RCAN2: variants seen among roughly 807,000 people sequenced by gnomAD.
RCAN2 encodes regulator of calcineurin 2.
Under a neutral mutation model 23.6 loss-of-function variants are expected in RCAN2, and 9 were observed. That is an observed-to-expected ratio of 0.38 (90% CI 0.23 to 0.67). RCAN2 has a LOEUF of 0.67. RCAN2 is among the 30% of genes least tolerant of loss of function. The probability of loss-of-function intolerance (pLI) is 0.51; values close to 1 mark genes in which losing one functional copy is unlikely to be tolerated. For missense variants in RCAN2, 273 were observed against 302.3 expected (o/e 0.90, Z 0.72); for synonymous variants, 109 against 115.7 (o/e 0.94, Z 0.37).
chr6:46,439,367 A>G (rs1196364044), intron 2 of RCAN2, among the ~76,000 whole-genome samples: 2 of 152,238 alleles, frequency 1.3e-5, no homozygotes, highest in African/African-American at 4.8e-5. Context: ...TCCAAAAGGA[A>G]GTCATTCCTA....
intron 1 of RCAN2, among the ~76,000 whole-genome samples, chr6:46,459,792 C>T (rs535459123): frequency 2.6e-5 from 4 of 152,096 alleles, no homozygotes; most frequent in African/African-American, 9.6e-5. Flanking sequence ...GAGCGGAAGA[C>T]GTGATCAAAA....
intron 2 of RCAN2, among the ~76,000 whole-genome samples, chr6:46,277,933 C>A (rs1767770161): frequency 6.6e-6 from 1 of 152,074 alleles, no homozygotes; most frequent in South Asian, 2.1e-4. Flanking sequence ...CTTAGATGAA[C>A]CTGACTTGAC....
At position 46,291,294 on chromosome 6, in the gene RCAN2, T is replaced by TC. The variant is rs397695025; in HGVS notation, c.226-42399dup. ...AATTCGCCAGTGTTTTTTTTTTTTT[T>TC]CCACTGGTGTTATTTTTGCTTTTTA... is the stretch of plus-strand genomic sequence containing the variant. On this transcript the variant is annotated intron_variant, in intron 2 of 4. Transcript: ENST00000371374. Among the ~76,000 whole-genome samples, 171 of 151,178 alleles carry TC rather than the reference T, an allele frequency of 1.1e-3. 1 individual carries two copies. The highest frequency in any genetic ancestry group is 3.3e-3 in the African/African-American group (134 of 41,064).
intron 2 of RCAN2, among the ~76,000 whole-genome samples, chr6:46,251,712 T>C (rs796621975): frequency 2.6e-5 from 4 of 152,132 alleles, no homozygotes; most frequent in African/African-American, 9.7e-5. Context: ...GGACTCCAGG[T>C]TTTAGGCTTA....
chr6:46,262,168 G>T (rs1468007020), intron 2 of RCAN2, among the ~76,000 whole-genome samples: 2 of 151,428 alleles, frequency 1.3e-5, no homozygotes, highest in Admixed American at 6.6e-5. Context: ...TTTTTAAGCT[G>T]GGGCCTCTAA....
At chr6:46,359,482 T>TG (rs1449967572) in intron 2 of RCAN2, among the ~76,000 whole-genome samples, 1 of 152,204 alleles carries the variant, frequency 6.6e-6, no homozygotes, top group East Asian at 1.9e-4. Context: ...GCAGAAATAT[T>TG]GGAGCACATG....
chr6:46,418,605 G>T (rs1428605907), intron 2 of RCAN2, among the ~76,000 whole-genome samples: 2 of 151,082 alleles, frequency 1.3e-5, no homozygotes, highest in African/African-American at 4.9e-5. Context: ...CTAGGAGCCA[G>T]CTCCCATCCA....
chr6:46,388,264 AT>A (rs1186411754), intron 2 of RCAN2, among the ~76,000 whole-genome samples: 1 of 151,666 alleles, frequency 6.6e-6, no homozygotes, highest in Non-Finnish European at 1.5e-5. Flanking sequence ...AATAATAATA[AT>A]AATAATAAAA....
chr6:46,354,238 T>C (rs1764755098), intron 2 of RCAN2, among the ~76,000 whole-genome samples: 1 of 151,090 alleles, frequency 6.6e-6, no homozygotes, highest in Non-Finnish European at 1.5e-5. Flanking sequence ...TGTGTGTGTG[T>C]GTGTGTGTGT....
chr6:46,344,285 C>T (rs1764418318), intron 2 of RCAN2, among the ~76,000 whole-genome samples: 1 of 152,028 alleles, frequency 6.6e-6, no homozygotes, highest in Non-Finnish European at 1.5e-5. Context: ...AAAACAGGCT[C>T]AGAGTATTTA....
At chr6:46,428,459 A>T (rs1318213871) in intron 2 of RCAN2, among the ~76,000 whole-genome samples, 1 of 152,242 alleles carries the variant, frequency 6.6e-6, no homozygotes, top group African/African-American at 2.4e-5. Context: ...TATTCATGGT[A>T]CTTTGAACAG....
intron 2 of RCAN2, among the ~76,000 whole-genome samples, chr6:46,425,505 T>C (rs779648462): frequency 1.3e-5 from 2 of 152,204 alleles, no homozygotes; most frequent in African/African-American, 2.4e-5. Flanking sequence ...AGACTATACT[T>C]TGGTAACTGT....
intron 2 of RCAN2, among the ~76,000 whole-genome samples, chr6:46,434,823 T>C (rs1228319195): frequency 1.3e-5 from 2 of 152,252 alleles, no homozygotes; most frequent in East Asian, 3.9e-4. Flanking sequence ...TGATGGGGAA[T>C]GGCATACTGT....
At chr6:46,375,586 A>G (rs142128189) in intron 2 of RCAN2, among the ~76,000 whole-genome samples, 1,909 of 152,332 alleles carry the variant, frequency 0.013, 13 homozygotes, top group Admixed American at 0.022. Context: ...TAACTGCATC[A>G]GCCAATTTGT....
chr6:46,237,220 T>A (rs111366807), intron 4 of RCAN2, among the ~76,000 whole-genome samples: 7 of 152,382 alleles, frequency 4.6e-5, no homozygotes, highest in East Asian at 3.9e-4. Context: ...CATGTATTCC[T>A]TCTGAACCTT....
intron 2 of RCAN2, among the ~76,000 whole-genome samples, chr6:46,295,372 G>T (rs1267603538): frequency 6.6e-6 from 1 of 152,172 alleles, no homozygotes; most frequent in Admixed American, 6.6e-5. Flanking sequence ...GCTCAGGACA[G>T]AACCTGGGAG....
chr6:46,456,114 T>A (rs900922349), intron 2 of RCAN2, among the ~76,000 whole-genome samples: 5 of 152,218 alleles, frequency 3.3e-5, no homozygotes, highest in Non-Finnish European at 7.3e-5. Context: ...AGTCTGTTTC[T>A]TAAAATGGGA....
At chr6:46,386,821 T>G (rs1238172317) in intron 2 of RCAN2, among the ~76,000 whole-genome samples, 1 of 152,066 alleles carries the variant, frequency 6.6e-6, no homozygotes, top group Non-Finnish European at 1.5e-5. Flanking sequence ...AGAACAAACC[T>G]GGAGGCATCA....
At chr6:46,230,004 C>A (rs1246166791) in intron 4 of RCAN2, among the ~76,000 whole-genome samples, 1 of 152,182 alleles carries the variant, frequency 6.6e-6, no homozygotes, top group Admixed American at 6.5e-5. Context: ...ACAGTCAGGA[C>A]CCTCAGCTGC....
Sources: gnomAD v4.1 joint callset for allele counts (sites outside exome capture counted in the v4.1 genomes callset) on GRCh38, gnomAD v4.1.1 for gene constraint, MANE v1.5 for transcripts, NCBI Gene and HGNC (gene_info 2026-07-23, HGNC 2026-07-21) for gene names.